Variants in CTNNA2 observed in about 807,000 individuals in gnomAD.
CTNNA2 encodes the protein catenin alpha-2.
A neutral mutation model predicts 101.0 loss-of-function variants in CTNNA2; 42 were observed. The ratio of observed to expected loss-of-function variants is 0.42; its 90% CI spans 0.32 to 0.54. The LOEUF (loss-of-function observed/expected upper bound fraction) is 0.54, where lower values mean the gene tolerates loss of function less well. Ranked by LOEUF, CTNNA2 falls within the 20% of genes least tolerant of loss-of-function variation. CTNNA2 has a pLI of 0.14. For synonymous variants in CTNNA2, 450 were observed against 456.4 expected (o/e 0.99, Z 0.18); for missense variants, 871 against 1,223.1 (o/e 0.71, Z 4.29).
intron 8 of CTNNA2, among the ~76,000 whole-genome samples, chr2:80,396,873 T>C (rs1678066368): frequency 6.6e-6 from 1 of 152,188 alleles, no homozygotes; most frequent in African/African-American, 2.4e-5. Context: ...AGCAATGAGA[T>C]TTAGTGAGTG....
intron 4 of CTNNA2, among the ~76,000 whole-genome samples, chr2:79,477,770 A>G (rs1671066533): frequency 1.3e-5 from 2 of 152,344 alleles, no homozygotes; most frequent in Admixed American, 6.5e-5. Context: ...AAGGAACAGA[A>G]TACGCTAGTT....
At chr2:80,352,347 G>A (rs2149300433) in intron 7 of CTNNA2, among the ~76,000 whole-genome samples, 1 of 152,192 alleles carries the variant, frequency 6.6e-6, no homozygotes, top group East Asian at 1.9e-4. Context: ...TATTGCCTGA[G>A]GCTAATGTAA....
At chr2:79,471,669 T>A (rs1671000603) in intron 4 of CTNNA2, among the ~76,000 whole-genome samples, 1 of 151,876 alleles carries the variant, frequency 6.6e-6, no homozygotes, top group Non-Finnish European at 1.5e-5. Flanking sequence ...AAACCCTGTC[T>A]CTACTAAAAA....
chr2:79,773,736 G>A (rs1278509223), intron 3 of CTNNA2, among the ~76,000 whole-genome samples: 4 of 151,962 alleles, frequency 2.6e-5, no homozygotes, highest in Admixed American at 1.3e-4. Flanking sequence ...ATGCAAAGGT[G>A]GAAACAAACA....
chr2:79,781,619 G>T (rs972518508), intron 3 of CTNNA2, among the ~76,000 whole-genome samples: 1 of 152,066 alleles, frequency 6.6e-6, no homozygotes. Flanking sequence ...CTTTTTGAAA[G>T]ATCAAAAAGT....
chr2:79,214,628 A>C (rs1027807191), intron 2 of CTNNA2, among the ~76,000 whole-genome samples: 20 of 152,056 alleles, frequency 1.3e-4, no homozygotes, highest in African/African-American at 4.8e-4. Flanking sequence ...ATCAGTTGCC[A>C]GGGAAGGAGT....
intron 7 of CTNNA2, among the ~76,000 whole-genome samples, chr2:79,955,980 GTCC>G (rs1477026852): frequency 1.3e-5 from 2 of 152,194 alleles, no homozygotes; most frequent in African/African-American, 4.8e-5. Context: ...GGCCACCTCT[GTCC>G]TCCTCAGTTC....
At chr2:80,116,624 A>T (rs2148870312) in intron 7 of CTNNA2, among the ~76,000 whole-genome samples, 1 of 152,306 alleles carries the variant, frequency 6.6e-6, no homozygotes, top group South Asian at 2.1e-4. Flanking sequence ...ATAGGGCATT[A>T]GAAATAGAGA....
intron 1 of CTNNA2, among the ~76,000 whole-genome samples, chr2:79,598,612 G>T (rs1158951536): frequency 6.6e-6 from 1 of 152,136 alleles, no homozygotes; most frequent in Non-Finnish European, 1.5e-5. Context: ...ATCTAATTTG[G>T]TGAGATATCT....
At chr2:79,193,704 A>G (rs1522863) in intron 1 of CTNNA2, among the ~76,000 whole-genome samples, 32,800 of 152,150 alleles carry the variant, frequency 0.22, 4,545 homozygotes, top group African/African-American at 0.4. Flanking sequence ...AGCTTCAAGA[A>G]ACAAAGATAT....
chr2:80,508,307 C>G (rs2149546384), intron 9 of CTNNA2, among the ~76,000 whole-genome samples: 1 of 152,146 alleles, frequency 6.6e-6, no homozygotes, highest in Middle Eastern at 3.4e-3. Flanking sequence ...AACCCTCTCT[C>G]TACTAAAAAT....
chr2:79,376,469 T>C (rs556948097), intron 4 of CTNNA2, among the ~76,000 whole-genome samples: 1 of 151,796 alleles, frequency 6.6e-6, no homozygotes, highest in African/African-American at 2.4e-5. Flanking sequence ...TTTGTTTTTG[T>C]TTTTTTGAAA....
intron 7 of CTNNA2, among the ~76,000 whole-genome samples, chr2:80,196,460 A>G (rs72926685): frequency 0.23 from 34,684 of 152,098 alleles, 6,047 homozygotes; most frequent in African/African-American, 0.49. Context: ...GCATGTCACA[A>G]CTAAGGCCCT....
chr2:79,647,144 A>G (rs1462441768), intron 1 of CTNNA2, among the ~76,000 whole-genome samples: 1 of 152,172 alleles, frequency 6.6e-6, no homozygotes, highest in Non-Finnish European at 1.5e-5. Context: ...TATCCTCAGA[A>G]AGATGAAGGG....
At chr2:80,097,241 T>C (rs916190132) in intron 7 of CTNNA2, among the ~76,000 whole-genome samples, 3 of 152,114 alleles carry the variant, frequency 2.0e-5, no homozygotes, top group African/African-American at 7.2e-5. Context: ...GTCTGTGAAG[T>C]ATTTTATTTC....
At chr2:79,755,399 G>A (rs1202342159) in intron 3 of CTNNA2, among the ~76,000 whole-genome samples, 1 of 152,170 alleles carries the variant, frequency 6.6e-6, no homozygotes, top group Non-Finnish European at 1.5e-5. Context: ...AAGTTGGAAT[G>A]GAGGATGTCG....
rs532024847 is a variant in CTNNA2 at position 80,402,404 on chromosome 2, G to A, written c.1137+9113G>A. The stretch of plus-strand genomic sequence containing the variant: ...TTCTCTCACCTCTCTGGAGGTTGGG[G>A]TGGGTGGGGCTAAAAGTTCTCACCT... On this transcript the variant is annotated intron_variant, in intron 8 of 18. Coordinates refer to ENST00000402739, the MANE Select transcript of CTNNA2 (RefSeq NM_001282597.3). Among the ~76,000 whole-genome samples, 27 of 152,250 alleles carry A rather than the reference G, an allele frequency of 1.8e-4. 1 individual carries two copies. Among genetic ancestry groups the A allele is most frequent in the African/African-American group, 5.5e-4 (23 of 41,544 alleles).
At chr2:79,396,378 C>T (rs1259754152) in intron 4 of CTNNA2, among the ~76,000 whole-genome samples, 2 of 151,984 alleles carry the variant, frequency 1.3e-5, no homozygotes, top group African/African-American at 2.4e-5. Flanking sequence ...AAGCTGGTCT[C>T]GAACTCCTGA....
At chr2:80,096,841 T>C (rs1487013237) in intron 7 of CTNNA2, among the ~76,000 whole-genome samples, 1 of 152,208 alleles carries the variant, frequency 6.6e-6, no homozygotes, top group African/African-American at 2.4e-5. Flanking sequence ...CTGCCTTTTT[T>C]TCTTTTCCAT....
Sources: gnomAD v4.1 joint callset for allele counts (sites outside exome capture counted in the v4.1 genomes callset) on GRCh38, gnomAD v4.1.1 for gene constraint, MANE v1.5 for transcripts, NCBI Gene and HGNC (gene_info 2026-07-23, HGNC 2026-07-21) for gene names.